The following RAB19 variants were observed in gnomAD, a reference collection of about 807,000 sequenced individuals.
The protein encoded by RAB19 is RAB19, member RAS oncogene family, also known as ras-related protein Rab-19.
Under a neutral mutation model 17.3 loss-of-function variants are expected in RAB19, and 21 were observed. The ratio of observed to expected loss-of-function variants is 1.21; its 90% CI spans 0.86 to 1.74. The LOEUF is 1.74. Among genes scored for constraint, RAB19 ranks in the 40% most tolerant of loss-of-function variants. The pLI is 0.00. For missense variants in RAB19, 277 were observed against 286.8 expected (o/e 0.97, Z 0.25); for synonymous variants, 126 against 110.4 (o/e 1.14, Z -0.88).
At position 140,424,734 on chromosome 7, in the gene RAB19, T is replaced by A; in HGVS notation, c.386-1148T>A. Among the ~76,000 whole-genome samples the A allele has an allele frequency of 1.3e-5, 2 of 150,436 alleles. 1 individual carries two copies. Among genetic ancestry groups the A allele is most frequent in the Non-Finnish European group, 2.9e-5 (2 of 67,798 alleles). ...TGACTTCCCATATATCTATAATTGT[T>A]TCAAAATAAAAGGTTTAAACATGTT... On this transcript the variant is annotated intron_variant, in intron 3 of 3. Transcript: ENST00000537763.
chr7:140,426,543 G>C lies in RAB19; in HGVS notation c.*393G>C, dbSNP rs1585438231. On this transcript the variant is annotated 3_prime_UTR_variant, in exon 4 of 4. Coordinates refer to ENST00000537763, the MANE Select transcript of RAB19 (RefSeq NM_001008749.3). ...AAAGGAGGAAGGCAAAACAGCAAGA[G>C]AGAGAAGAGGCTGTTTGGAACATTC... Among the ~76,000 whole-genome samples the C allele has an allele frequency of 6.6e-6, 1 of 152,240 alleles. No individual in the cohort carries two copies. The highest frequency in any genetic ancestry group is 1.5e-5 in the Non-Finnish European group (1 of 68,042).
intron 3 of RAB19, among the ~76,000 whole-genome samples, chr7:140,423,839 C>T (rs1799603617): frequency 6.6e-6 from 1 of 152,034 alleles, no homozygotes; most frequent in Admixed American, 6.6e-5. Context: ...TTATTCATTT[C>T]ATGACAAGAA....
Position 140,412,004 on chromosome 7 carries a change from G to C in RAB19, c.332G>C (p.Trp111Ser). ...RRSTFESIPHWIHEIEKYGAA... is the reference protein window; with the variant it reads ...RRSTFESIPHSIHEIEKYGAA... ...TCCACGTTCGAGTCCATCCCTCACT[G>C]GATTCATGAGATAGAGAAATATGGA... is the stretch of plus-strand genomic sequence containing the variant. Residue 111 changes from tryptophan (W) to serine (S), a missense_variant, in exon 3 of 4, where the codon TGG becomes TCG. Trp to Ser is a radical substitution (Grantham distance 177). Transcript: ENST00000537763. 1 of 1,613,962 alleles carries C rather than the reference G, an allele frequency of 6.2e-7. No individual in the cohort carries two copies. The highest frequency in any genetic ancestry group is 8.5e-7 in the Non-Finnish European group (1 of 1,180,032).
chr7:140,413,621 G>A (rs1482497783), intron 3 of RAB19, among the ~76,000 whole-genome samples: 1 of 152,076 alleles, frequency 6.6e-6, no homozygotes, highest in Non-Finnish European at 1.5e-5. Flanking sequence ...GGAATCACTT[G>A]AGCCTGGGAA....
Position 140,426,217 on chromosome 7 carries a change from C to CTTTGTTGTTG in RAB19, c.*67_*68insTTTGTTGTTG. 1 of 1,553,564 alleles carries CTTTGTTGTTG rather than the reference C, an allele frequency of 6.4e-7. No individual in the cohort carries two copies. Among genetic ancestry groups the CTTTGTTGTTG allele is most frequent in the Non-Finnish European group, 8.7e-7 (1 of 1,150,498 alleles). On this transcript the variant is annotated 3_prime_UTR_variant, in exon 4 of 4. Transcript: ENST00000537763. ...CTGAAACCAAAGGTAGCCAGGATAC[C>CTTTGTTGTTG]GTAGTGTTGCCCCAGTGGCGCTTTA...
At chr7:140,411,491 G>A (rs1367224352) in intron 2 of RAB19, among the ~76,000 whole-genome samples, 2 of 151,056 alleles carry the variant, frequency 1.3e-5, no homozygotes, top group Admixed American at 6.6e-5. Context: ...AAGAAGAATT[G>A]TCTTGGGCCA....
At position 140,407,608 on chromosome 7, in the gene RAB19, C is replaced by T; in HGVS notation, c.-23-16C>T. 6.2e-7 allele frequency: 1 copy of T among 1,601,956 alleles called. No individual in the cohort carries two copies. The highest frequency in any genetic ancestry group is 8.6e-7 in the Non-Finnish European group (1 of 1,169,268). ...ATCCCCAGTTCCTGGTGCTGAATTC[C>T]ATCCTTTCTTCCTAGTTCTGTTCTA... is the stretch of plus-strand genomic sequence containing the variant. On this transcript the variant is annotated splice_polypyrimidine_tract_variant and intron_variant, in intron 1 of 3. Transcript: ENST00000537763.
intron 3 of RAB19, 32 bp from the exon 4 acceptor site, chr7:140,425,850 C>A: frequency 6.3e-7 from 1 of 1,577,690 alleles, no homozygotes; most frequent in South Asian, 1.2e-5. Flanking sequence ...TTAAGTTACT[C>A]AATGGAATAT....
chr7:140,414,968 C>T (rs886389829), intron 3 of RAB19, among the ~76,000 whole-genome samples: 1 of 152,104 alleles, frequency 6.6e-6, no homozygotes, highest in African/African-American at 2.4e-5. Flanking sequence ...ACATGGTTCA[C>T]AAGGTACTTC....
chr7:140,408,727 C>T (rs1275530443), intron 2 of RAB19, among the ~76,000 whole-genome samples: 2 of 152,096 alleles, frequency 1.3e-5, no homozygotes, highest in Non-Finnish European at 2.9e-5. Flanking sequence ...CCGCCCACCT[C>T]TACCTCCCAA....
At chr7:140,416,137 A>G (rs1799453829) in intron 3 of RAB19, among the ~76,000 whole-genome samples, 1 of 152,080 alleles carries the variant, frequency 6.6e-6, no homozygotes, top group Admixed American at 6.6e-5. Context: ...GAGGTCGGGA[A>G]TTCGAGACCA....
intron 3 of RAB19, among the ~76,000 whole-genome samples, chr7:140,420,796 T>C (rs1457188827): frequency 6.6e-6 from 1 of 152,222 alleles, no homozygotes; most frequent in Admixed American, 6.5e-5. Flanking sequence ...CAGTTACATA[T>C]GTTGCAAACA....
intron 2 of RAB19, among the ~76,000 whole-genome samples, chr7:140,409,990 CTCA>C (rs1253839331): frequency 1.6e-5 from 1 of 62,222 alleles, no homozygotes; most frequent in Non-Finnish European, 2.8e-5. Context: ...GAGACTCCGT[CTCA>C]AAAAAAAAAA....
rs1799690816 is a variant in RAB19, at chr7:140,427,452, C to CAA, written c.*1302_*1303insAA. Among the ~76,000 whole-genome samples, 4 of 121,662 alleles carry CAA rather than the reference C, an allele frequency of 3.3e-5. No individual in the cohort carries two copies. Among genetic ancestry groups the CAA allele is most frequent in the Middle Eastern group, 5.2e-3 (1 of 192 alleles). The allele number at this position is 121,662 out of a possible 152,430, so 79.8% of individuals were successfully genotyped here. On this transcript the variant is annotated 3_prime_UTR_variant, in exon 4 of 4. Transcript: ENST00000537763. ...CAGGCATGAGCCACCATGCCCGGCC[C>CAA]TTTTTTTTTTTTTTTTGAGACAGAG...
At chr7:140,408,395 A>C (rs1799289757) in intron 2 of RAB19, among the ~76,000 whole-genome samples, 1 of 152,070 alleles carries the variant, frequency 6.6e-6, no homozygotes, top group East Asian at 1.9e-4. Flanking sequence ...TGTGAAGGTC[A>C]AATTTATACA....
Sources: allele counts gnomAD v4.1 joint callset (sites outside exome capture counted in the v4.1 genomes callset), GRCh38; gene constraint gnomAD v4.1.1; transcripts MANE v1.5; gene names NCBI Gene and HGNC (gene_info 2026-07-23, HGNC 2026-07-21).